The following NKX2-5 variants were observed in gnomAD, a reference collection of about 807,000 sequenced individuals.
NKX2-5 encodes homeobox protein Nkx-2.5.
NKX2-5 carries 3 observed loss-of-function variants against 24.5 expected under a neutral mutation model. That is an observed-to-expected ratio of 0.12 (90% CI 0.06 to 0.32). The LOEUF is 0.32. NKX2-5 is among the 10% of genes least tolerant of loss of function. NKX2-5 has a pLI of 1.00. For missense variants in NKX2-5, 429 were observed against 452.4 expected (o/e 0.95, Z 0.47); for synonymous variants, 215 against 217.6 (o/e 0.99, Z 0.11).
chr5:173,234,464 A>G (rs1468335001), intron 1 of NKX2-5, among the ~76,000 whole-genome samples: 5 of 152,214 alleles, frequency 3.3e-5, no homozygotes, highest in Non-Finnish European at 4.4e-5. Flanking sequence ...TCAACTTCCT[A>G]CCAGACCCAG....
rs1200047625 is a variant in NKX2-5, at chr5:173,234,109, C to G, written c.334+641G>C. 3 of 1,289,304 alleles carry G rather than the reference C, an allele frequency of 2.3e-6. No individual in the cohort carries two copies. The African/African-American group carries it at 4.6e-5, about 20-fold the overall frequency. The allele number at this position is 1,289,304 out of a possible 1,614,324, so 79.9% of individuals were successfully genotyped here. On this transcript the variant is annotated intron_variant, in intron 1 of 1. Coordinates refer to ENST00000329198, the MANE Select transcript of NKX2-5 (RefSeq NM_004387.4). ...ATTTCCTAACTTTTCCACGAGGGAA[C>G]CTCTCCGCCCTGGCCGCGCCGGCAA...
chr5:173,234,010 C>A, intron 1 of NKX2-5: 1 of 1,266,280 alleles, frequency 7.9e-7, no homozygotes, highest in Non-Finnish European at 1.0e-6. Flanking sequence ...GGCCTCCCTC[C>A]CCGATCCTGG....
chr5:173,233,474 G>A, intron 1 of NKX2-5: 3 of 1,281,370 alleles, frequency 2.3e-6, no homozygotes, highest in Non-Finnish European at 3.2e-6. Flanking sequence ...CCTGGTGAGG[G>A]AGACAGACGG....
chr5:173,235,204 T>C lies in NKX2-5; in HGVS notation c.-121A>G, dbSNP rs1392817810. The C allele has an allele frequency of 1.0e-6, 1 of 993,608 alleles. No homozygotes were observed. The highest frequency in any genetic ancestry group is 1.7e-5 in the African/African-American group (1 of 59,386). 61.5% of individuals were successfully genotyped at this position (993,608 alleles called of 1,614,324 possible). A position where few individuals can be genotyped will look rare whatever the true frequency, so the allele number is the denominator to read the frequency against. ...CGCGCACCCGTCGGCCAGCTCTGGA[T>C]GTGTCCGGGCAGCAGGTAGCGCTGA... On this transcript the variant is annotated 5_prime_UTR_variant, in exon 1 of 2. Coordinates refer to ENST00000329198, the MANE Select transcript of NKX2-5 (RefSeq NM_004387.4).
At chr5:173,233,944 G>A (rs1761400272) in intron 1 of NKX2-5, 1 of 1,188,124 alleles carries the variant, frequency 8.4e-7, no homozygotes, top group Non-Finnish European at 1.1e-6. Flanking sequence ...GGAATCGCCC[G>A]GGCTCCTGCC....
At position 173,232,523 on chromosome 5, in the gene NKX2-5, C is replaced by T; in HGVS notation, c.*46G>A. On this transcript the variant is annotated 3_prime_UTR_variant, in exon 2 of 2. Coordinates refer to ENST00000329198, the MANE Select transcript of NKX2-5 (RefSeq NM_004387.4). This position sits in a 1 kb window ranked among gnomAD's most constrained non-coding sequence, Gnocchi z 5.9. ...CCTTCTCCCCCCGAGAGTCAGGGAG[C>T]TGTTGAGGTGGGATCGGTCAGGGTC... The T allele has an allele frequency of 6.3e-7, 1 of 1,598,214 alleles. No homozygotes were observed. The highest frequency in any genetic ancestry group is 8.5e-7 in the Non-Finnish European group (1 of 1,178,952).
At chr5:173,233,863 A>C in intron 1 of NKX2-5, 1 of 985,432 alleles carries the variant, frequency 1.0e-6, no homozygotes, top group Non-Finnish European at 1.2e-6. Context: ...CTCCTCAACA[A>C]ACCTATGAAT....
rs1472291030 is a variant in NKX2-5, at chr5:173,233,303, G to A, written c.335-94C>T. 11 of 1,542,810 alleles carry A rather than the reference G, an allele frequency of 7.1e-6. No individual in the cohort carries two copies. The East Asian group carries it at 1.4e-4, about 20-fold the overall frequency. ...AGTAATGGTAAGGGATCCTCGTGGA[G>A]GCCACTGTGTCCTGCCTGGAGCGCC... On this transcript the variant is annotated intron_variant, in intron 1 of 1. Coordinates refer to ENST00000329198, the MANE Select transcript of NKX2-5 (RefSeq NM_004387.4).
rs1390888923 is a variant in NKX2-5 at position 173,234,796 on chromosome 5, G to A, written c.288C>T (p.Ala96=). 2 of 1,580,800 alleles carry A rather than the reference G, an allele frequency of 1.3e-6. No homozygotes were observed. The highest frequency in any genetic ancestry group is 1.7e-6 in the Non-Finnish European group (2 of 1,165,826). The change falls in exon 1 of 2, where the codon GCC becomes GCT. Residue 96 remains alanine, a synonymous_variant. Transcript: ENST00000329198. ...CCTTGGCTGGGTCGGGGTCGCTGTA[G>A]GCACGTGGATAGAAGGCGGGGGCGG... The part of the protein sequence containing the change: ...FPAAPAFYPR[A]YSDPDPAKDP...
Position 173,235,084 on chromosome 5 carries a change from G to A in NKX2-5, c.-1C>T. On this transcript the variant is annotated 5_prime_UTR_variant, in exon 1 of 2. Coordinates refer to ENST00000329198, the MANE Select transcript of NKX2-5 (RefSeq NM_004387.4). ...GCGTGAGAGCAGGGCTGGGGAACAT[G>A]GTGGCAGCGCCAGTCTCACAGCGCC... 1 of 1,601,984 alleles carries A rather than the reference G, an allele frequency of 6.2e-7. No individual in the cohort carries two copies. Among genetic ancestry groups the A allele is most frequent in the Non-Finnish European group, 8.5e-7 (1 of 1,175,548 alleles).
Position 173,232,672 on chromosome 5 carries a change from T to G in NKX2-5, c.872A>C (p.Asn291Thr), listed in dbSNP as rs1318592912. The G allele has an allele frequency of 6.2e-7, 1 of 1,611,776 alleles. No individual in the cohort carries two copies. The highest frequency in any genetic ancestry group is 8.5e-7 in the Non-Finnish European group (1 of 1,178,582). ...GTCCCCGACGCCGAAGTTCACGAAG[T>G]TGTTGTTGGCGGCGGCAGTGGCCGG... is the stretch of plus-strand genomic sequence containing the variant. ...AQPATAAANN[N>T]FVNFGVGDLN... Residue 291 changes from asparagine (N) to threonine (T), a missense_variant, in exon 2 of 2, where the codon AAC becomes ACC. Physicochemically the swap from Asn to Thr is moderately conservative, Grantham distance 65. This residue lies in a region of NKX2-5 where 183 missense variants were observed against 185.9 expected (regional missense o/e 0.98). Coordinates refer to ENST00000329198, the MANE Select transcript of NKX2-5 (RefSeq NM_004387.4). The surrounding 1 kb of genome is among the most constrained non-coding windows in gnomAD (Gnocchi z 5.9).
rs747698510 is a variant in NKX2-5 at position 173,232,760 on chromosome 5, C to A, written c.784G>T (p.Ala262Ser). Residue 262 changes from alanine to serine, a missense_variant, in exon 2 of 2, where the codon GCG (alanine) becomes TCG (serine). Around this residue, in one of 3 missense-constraint regions of NKX2-5, gnomAD observed 183 missense variants for 185.9 expected, o/e 0.98. Coordinates refer to ENST00000329198, the MANE Select transcript of NKX2-5 (RefSeq NM_004387.4). The surrounding 1 kb of genome is among the most constrained non-coding windows in gnomAD (Gnocchi z 5.9). ...CAGCTGTAGCCAGGGCTGCAGGCCG[C>A]GCCGCCGTAACCCGGATAGGCGGGG... ...AYPAYPGYGGAACSPGYSCTA... is the reference protein window; with the variant it reads ...AYPAYPGYGGSACSPGYSCTA... 1 of 1,604,524 alleles carries A rather than the reference C, an allele frequency of 6.2e-7. No homozygotes were observed. The highest frequency in any genetic ancestry group is 1.3e-5 in the African/African-American group (1 of 74,802).
At chr5:173,234,178 G>T in intron 1 of NKX2-5, 1 of 1,277,712 alleles carries the variant, frequency 7.8e-7, no homozygotes, top group Non-Finnish European at 1.0e-6. Flanking sequence ...CTGAGGGTCC[G>T]CAGTATCCCA....
Position 173,232,901 on chromosome 5 carries a change from C to A in NKX2-5, c.643G>T (p.Ala215Ser). ...AGCACTGGCACCGCGATCCTGCGGG[C>A]AGGCGGCGGCGGCGGCGGGGGCAGC... ...VGLPPPPPPP[A>S]RRIAVPVLVR... Residue 215 changes from alanine to serine, a missense_variant, in exon 2 of 2, where the codon GCC (alanine) becomes TCC (serine). This residue lies in a region of NKX2-5 where 183 missense variants were observed against 185.9 expected (regional missense o/e 0.98). Coordinates refer to ENST00000329198, the MANE Select transcript of NKX2-5 (RefSeq NM_004387.4). This position sits in a 1 kb window ranked among gnomAD's most constrained non-coding sequence, Gnocchi z 5.9. 1 of 1,607,058 alleles carries A rather than the reference C, an allele frequency of 6.2e-7. No individual in the cohort carries two copies.
rs1761448119 is a variant in NKX2-5, at chr5:173,235,096, A to G, written c.-13T>C. On this transcript the variant is annotated 5_prime_UTR_variant, in exon 1 of 2. Coordinates refer to ENST00000329198, the MANE Select transcript of NKX2-5 (RefSeq NM_004387.4). ...GGCTGGGGAACATGGTGGCAGCGCCAGTCTCACAGCGCCAGGTGGGCGGCA... is the reference window on the plus strand; with the variant it reads ...GGCTGGGGAACATGGTGGCAGCGCCGGTCTCACAGCGCCAGGTGGGCGGCA... 6.3e-7 allele frequency: 1 copy of G among 1,596,156 alleles called. No homozygotes were observed. Among genetic ancestry groups the G allele is most frequent in the South Asian group, 1.1e-5 (1 of 89,290 alleles).
chr5:173,232,559 G>T lies in NKX2-5; in HGVS notation c.*10C>A. ...GGATCGGTCAGGGTCGCGCCACGCG[G>T]GTCCCTTCCCTACCAGGCTCGGATA... On this transcript the variant is annotated 3_prime_UTR_variant, in exon 2 of 2. Transcript: ENST00000329198. This position sits in a 1 kb window ranked among gnomAD's most constrained non-coding sequence, Gnocchi z 5.9. 1 of 1,605,232 alleles carries T rather than the reference G, an allele frequency of 6.2e-7. No individual in the cohort carries two copies. Among genetic ancestry groups the T allele is most frequent in the Non-Finnish European group, 8.5e-7 (1 of 1,179,920 alleles).
Position 173,232,640 on chromosome 5 carries a change from C to A in NKX2-5, c.904G>T (p.Ala302Ser). 1 of 1,613,246 alleles carries A rather than the reference C, an allele frequency of 6.2e-7. No individual in the cohort carries two copies. Among genetic ancestry groups the A allele is most frequent in the Non-Finnish European group, 8.5e-7 (1 of 1,179,596 alleles). The change falls in exon 2 of 2, where the codon GCG becomes TCG. Residue 302 changes from alanine (A) to serine (S), a missense_variant. Coordinates refer to ENST00000329198, the MANE Select transcript of NKX2-5 (RefSeq NM_004387.4). This position sits in a 1 kb window ranked among gnomAD's most constrained non-coding sequence, Gnocchi z 5.9. ...FVNFGVGDLN[A>S]VQSPGIPQSN... The stretch of plus-strand genomic sequence containing the variant: ...TGCGGAATCCCGGGGCTCTGAACCG[C>A]ATTCAAGTCCCCGACGCCGAAGTTC...
chr5:173,234,967 C>A lies in NKX2-5; in HGVS notation c.117G>T (p.Ala39=). The change falls in exon 1 of 2, where the codon GCG becomes GCT. Residue 39 remains alanine, a synonymous_variant. Coordinates refer to ENST00000329198, the MANE Select transcript of NKX2-5 (RefSeq NM_004387.4). Reference sequence around the variant, plus strand: ...GCATGCAGGAGGAGGGCGCCAGGGTCGCCTCCAGGCGGGCAGAGAGCTCTC... The same window carrying A: ...GCATGCAGGAGGAGGGCGCCAGGGTAGCCTCCAGGCGGGCAGAGAGCTCTC... ...AAGELSARLE[A]TLAPSSCMLA... is the part of the protein sequence containing the mutation. 1 of 1,612,028 alleles carries A rather than the reference C, an allele frequency of 6.2e-7. No individual in the cohort carries two copies. The highest frequency in any genetic ancestry group is 2.2e-5 in the East Asian group (1 of 44,830).
Position 173,233,115 on chromosome 5 carries a change from C to T in NKX2-5, c.429G>A (p.Val143=), listed in dbSNP as rs1166464754. 6.3e-7 allele frequency: 1 copy of T among 1,599,108 alleles called. No individual in the cohort carries two copies. Residue 143 remains valine (V), a synonymous_variant, in exon 2 of 2, where the codon GTG becomes GTA. Transcript: ENST00000329198. ...PRARRRRKPR[V]LFSQAQVYEL... is the part of the protein sequence containing the mutation. ...CATAGACCTGCGCCTGCGAGAAGAG[C>T]ACGCGCGGCTTCCTCCGCCGTCGCG... is the stretch of plus-strand genomic sequence containing the variant.
Sources: allele counts gnomAD v4.1 joint callset (sites outside exome capture counted in the v4.1 genomes callset), GRCh38; gene constraint gnomAD v4.1.1; regional missense constraint gnomAD v4.1.1; non-coding constraint Gnocchi (gnomAD v3.1); transcripts MANE v1.5; gene names NCBI Gene and HGNC (gene_info 2026-07-23, HGNC 2026-07-21).